The following RELA variants were observed in gnomAD, a reference collection of about 807,000 sequenced individuals.
RELA encodes the protein transcription factor p65.
A neutral mutation model predicts 56.7 loss-of-function variants in RELA; 14 were observed. That is an observed-to-expected ratio of 0.25 (90% confidence interval 0.16 to 0.39). The LOEUF is 0.39. Among genes scored for constraint, RELA ranks in the 10% least tolerant of loss-of-function variants. The pLI, the probability that RELA is intolerant of heterozygous loss-of-function variation, is 1.00. For synonymous variants in RELA, 315 were observed against 289.7 expected (o/e 1.09, Z -0.89); for missense variants, 559 against 736.4 (o/e 0.76, Z 2.79).
intron 8 of RELA, among the ~76,000 whole-genome samples, chr11:65,656,941 A>G (rs1472058010): frequency 1.3e-5 from 2 of 152,176 alleles, no homozygotes; most frequent in Non-Finnish European, 2.9e-5. Context: ...AGGGAGAATC[A>G]CTTGAACCCG....
At chr11:65,659,845 G>C (rs368663127) in intron 5 of RELA, 48 bp from the exon 6 acceptor site, 1 of 1,569,926 alleles carries the variant, frequency 6.4e-7, no homozygotes, top group African/African-American at 1.4e-5. Context: ...TGGGGATATA[G>C]GTGCTATCAG....
intron 6 of RELA, among the ~76,000 whole-genome samples, chr11:65,659,324 C>A (rs1479081783): frequency 6.6e-6 from 1 of 152,176 alleles, no homozygotes; most frequent in African/African-American, 2.4e-5. Flanking sequence ...ATCACTGAAT[C>A]ATCATTCTCG....
In RELA at chr11:65,659,724, G is replaced by A. The variant is rs2135564076; in HGVS notation, c.501C>T (p.Asp167=). 4 of 1,613,962 alleles carry A rather than the reference G, an allele frequency of 2.5e-6. No individual in the cohort carries two copies. The highest frequency in any genetic ancestry group is 3.4e-6 in the Non-Finnish European group (4 of 1,180,010). ...VRLCFQVTVR[D]PSGRPLRLPP... The stretch of plus-strand genomic sequence containing the variant: ...GCAGGCGGAGGGGCCTGCCTGATGG[G>A]TCCCGCACTGTCACCTGGAAGCAGA... The change falls in exon 6 of 11, where the codon GAC becomes GAT. Residue 167 remains aspartate, a synonymous_variant. Coordinates refer to ENST00000406246, the MANE Select transcript of RELA (RefSeq NM_021975.4).
upstream of RELA, among the ~76,000 whole-genome samples, chr11:65,663,690 G>A (rs1856629081): frequency 6.6e-6 from 1 of 152,182 alleles, no homozygotes; most frequent in Admixed American, 6.5e-5. Flanking sequence ...GAAGGTGCGG[G>A]ACCCACAGGG....
At position 65,654,777 on chromosome 11, in the gene RELA, C is replaced by G. The variant is rs1856375836; in HGVS notation, c.1257G>C (p.Gln419His). 6.6e-7 allele frequency: 1 copy of G among 1,509,700 alleles called. No homozygotes were observed. The highest frequency in any genetic ancestry group is 2.3e-5 in the Admixed American group (1 of 44,410). 93.5% of individuals were successfully genotyped at this position (1,509,700 alleles called of 1,614,324 possible). A position where few individuals can be genotyped will look rare whatever the true frequency, so the allele number is the denominator to read the frequency against. The stretch of plus-strand genomic sequence containing the variant: ...GCTTGGGGGCAGGTGGGGCCACAGC[C>G]TGAGGAGGGCCTGGGGCTAGGACTG... ...PVPVLAPGPP[Q>H]AVAPPAPKPT... Residue 419 changes from glutamine (Q) to histidine (H), a missense_variant, in exon 11 of 11, where the codon CAG (glutamine) becomes CAC (histidine). Physicochemically the swap from Gln to His is conservative, Grantham distance 24. This residue lies in a region of RELA where 365 missense variants were observed against 387.5 expected (regional missense o/e 0.94). Transcript: ENST00000406246.
intron 8 of RELA, 48 bp from the exon 9 acceptor site, chr11:65,655,983 C>A: frequency 6.5e-7 from 1 of 1,529,784 alleles, no homozygotes; most frequent in Non-Finnish European, 9.0e-7. Context: ...TCAGGTGGGT[C>A]CCCGACGCTC....
In RELA at chr11:65,658,423, T is replaced by C. The variant is rs1182834402; in HGVS notation, c.741A>G (p.Gln247=). The C allele has an allele frequency of 6.2e-7, 1 of 1,613,838 alleles. No individual in the cohort carries two copies. Among genetic ancestry groups the C allele is most frequent in the Admixed American group, 1.7e-5 (1 of 60,002 alleles). Residue 247 remains glutamine (Q), a synonymous_variant, in exon 8 of 11, where the codon CAA becomes CAG. Transcript: ENST00000406246. This position sits in a 1 kb window ranked among gnomAD's most constrained non-coding sequence, Gnocchi z 4.5. ...GAGGGGTCCGGAACACAATGGCCAC[T>C]TGTCGGTGCACATCAGCTTGCGAAA... ...GSFSQADVHR[Q]VAIVFRTPPY... is the part of the protein sequence containing the mutation.
rs555199632 is a variant in RELA at position 65,659,648 on chromosome 11, G to A, written c.559+18C>T. 3.0e-5 allele frequency: 48 copies of A among 1,612,810 alleles called. No homozygotes were observed. In the South Asian group the frequency reaches 3.6e-4, roughly 12 times the overall value. ...CAGGCCCACCCTCTCCCCTTCCTGCGTCTCCCTCGCTACTCACGATTGTCA... is the reference window on the plus strand; with the variant it reads ...CAGGCCCACCCTCTCCCCTTCCTGCATCTCCCTCGCTACTCACGATTGTCA... On this transcript the variant is annotated intron_variant, in intron 6 of 10. Transcript: ENST00000406246.
Position 65,654,894 on chromosome 11 carries a change from G to A in RELA, c.1140C>T (p.Ala380=), listed in dbSNP as rs1327369248. 11 of 1,586,858 alleles carry A rather than the reference G, an allele frequency of 6.9e-6. No homozygotes were observed. In the Admixed American group the frequency reaches 1.1e-4, roughly 16 times the overall value. The change falls in exon 11 of 11, where the codon GCC becomes GCT. Residue 380 remains alanine (A), a synonymous_variant. Coordinates refer to ENST00000406246, the MANE Select transcript of RELA (RefSeq NM_021975.4). ...GGGGCAGGACTTGGGGAGGGGCCGG[G>A]GCCAAGGCCGAGGCCTGGCTGATCT... The part of the protein sequence containing the change: ...SGQISQASAL[A]PAPPQVLPQA...
At chr11:65,662,718 G>T in intron 1 of RELA, 108 bp downstream of exon 1, 3 of 923,084 alleles carry the variant, frequency 3.2e-6, no homozygotes, top group Non-Finnish European at 4.2e-6. Context: ...ACCGCTCCCT[G>T]CGCAGCGCCC....
At chr11:65,656,869 C>G (rs1167041297) in intron 8 of RELA, among the ~76,000 whole-genome samples, 2 of 152,022 alleles carry the variant, frequency 1.3e-5, no homozygotes, top group African/African-American at 2.4e-5. Flanking sequence ...ACTAAAAATA[C>G]AAAAAATTAG....
At chr11:65,661,235 T>C (rs10791822) in intron 4 of RELA, among the ~76,000 whole-genome samples, 42,116 of 151,832 alleles carry the variant, frequency 0.28, 6,994 homozygotes, top group Non-Finnish European at 0.36. Context: ...CTATGTTGCC[T>C]TGGCTAGTCT....
chr11:65,662,203 G>C lies in RELA; in HGVS notation c.10C>G (p.Leu4Val), dbSNP rs750044010. Reference sequence around the variant, plus strand: ...CCTGCCGGGAAGATGAGGGGGAACAGTTCTGAAAGGGGAGGGAGATCAGGG... The same window carrying C: ...CCTGCCGGGAAGATGAGGGGGAACACTTCTGAAAGGGGAGGGAGATCAGGG... Reference protein sequence around the residue: MDELFPLIFPAEPA... With the variant: MDEVFPLIFPAEPA... The change falls in exon 2 of 11, where the codon CTG (leucine) becomes GTG (valine). Residue 4 changes from leucine to valine, a missense_variant and splice_region_variant. Physicochemically the swap from Leu to Val is conservative, Grantham distance 32 (BLOSUM62 1). Around this residue, in one of 4 missense-constraint regions of RELA, gnomAD observed 21 missense variants for 17.4 expected, o/e 1.21. Coordinates refer to ENST00000406246, the MANE Select transcript of RELA (RefSeq NM_021975.4). The C allele has an allele frequency of 6.4e-7, 1 of 1,573,282 alleles. No individual in the cohort carries two copies. The highest frequency in any genetic ancestry group is 8.6e-7 in the Non-Finnish European group (1 of 1,165,234).
chr11:65,659,571 A>AGCCAGAGCGCCTCTTGCAG, intron 6 of RELA, 95 bp downstream of exon 6: 1 of 1,468,544 alleles, frequency 6.8e-7, no homozygotes, highest in Non-Finnish European at 9.4e-7. Flanking sequence ...GATTGAATGA[A>AGCCAGAGCGCCTCTTGCAG]GCCAGAGCGC....
Position 65,659,795 on chromosome 11 carries a change from G to A in RELA, c.430C>T (p.Pro144Ser). Residue 144 changes from proline (P) to serine (S), a missense_variant and splice_region_variant, in exon 6 of 11, where the codon CCT becomes TCT. Physicochemically the swap from Pro to Ser is moderately conservative, Grantham distance 74. Coordinates refer to ENST00000406246, the MANE Select transcript of RELA (RefSeq NM_021975.4). The part of the protein sequence containing the change: ...IQTNNNPFQV[P>S]IEEQRGDYDL... ...TAGTCCCCACGCTGCTCTTCTATAGGAACTGCCAAGAAAACAGGCGATCAG... is the reference window on the plus strand; with the variant it reads ...TAGTCCCCACGCTGCTCTTCTATAGAAACTGCCAAGAAAACAGGCGATCAG... The A allele has an allele frequency of 6.2e-7, 1 of 1,609,404 alleles. No individual in the cohort carries two copies. Among genetic ancestry groups the A allele is most frequent in the African/African-American group, 1.3e-5 (1 of 74,924 alleles).
chr11:65,662,293 G>A, intron 1 of RELA, 88 bp from the exon 2 acceptor site: 1 of 1,413,420 alleles, frequency 7.1e-7, no homozygotes, highest in Non-Finnish European at 9.3e-7. Context: ...GGAGAAGCCA[G>A]GCTCCCTCCC....
intron 4 of RELA, 152 bp from the exon 5 acceptor site, chr11:65,660,367 C>T: frequency 1.5e-6 from 1 of 672,754 alleles, no homozygotes; most frequent in Non-Finnish European, 2.6e-6. Flanking sequence ...GCAACGAACC[C>T]TGTCCCTTCA....
rs1193014025 is a variant in RELA at position 65,655,736 on chromosome 11, G to C, written c.985C>G (p.Arg329Gly). Residue 329 changes from arginine (R) to glycine (G), a missense_variant, in exon 10 of 11, where the codon CGA becomes GGA. Transcript: ENST00000406246. The stretch of plus-strand genomic sequence containing the variant: ...CTGCGGGAAGGCACAGCAATGCGTC[G>C]AGGTGGAGGCCGGGGGTCGGTGGGT... The part of the protein sequence containing the change: ...SGPTDPRPPP[R>G]RIAVPSRSSA... The C allele has an allele frequency of 2.5e-6, 4 of 1,614,098 alleles. No homozygotes were observed. The Admixed American group carries it at 5.0e-5, about 20-fold the overall frequency.
At chr11:65,657,025 T>TCAAA (rs35168219) in intron 8 of RELA, among the ~76,000 whole-genome samples, 80,719 of 150,798 alleles carry the variant, frequency 0.54, 21,992 homozygotes, top group African/African-American at 0.63. Flanking sequence ...AGACTCTGTC[T>TCAAA]CAAACAAACA....
Sources: allele counts gnomAD v4.1 joint callset (sites outside exome capture counted in the v4.1 genomes callset), GRCh38; gene constraint gnomAD v4.1.1; regional missense constraint gnomAD v4.1.1; non-coding constraint Gnocchi (gnomAD v3.1); transcripts MANE v1.5; gene names NCBI Gene and HGNC (gene_info 2026-07-23, HGNC 2026-07-21).